The following SI variants were observed in gnomAD, a reference collection of about 807,000 sequenced individuals.
SI encodes sucrase-isomaltase, intestinal.
In SI, 235 loss-of-function variants were observed where a neutral mutation model predicts 253.3. That is an observed-to-expected ratio of 0.93 (90% CI 0.83 to 1.03). SI has a LOEUF of 1.03. Among genes scored for constraint, SI ranks in the 50% least tolerant of loss-of-function variants. SI has a pLI of 0.00. For missense variants in SI, 2,442 were observed against 2,211.1 expected (o/e 1.10, Z -2.09); for synonymous variants, 819 against 712.0 (o/e 1.15, Z -2.39).
At chr3:165,001,029 G>T (rs935187629) in intron 37 of SI, among the ~76,000 whole-genome samples, 9 of 151,096 alleles carry the variant, frequency 6.0e-5, no homozygotes, top group African/African-American at 2.2e-4. Context: ...TGAAATATGT[G>T]AAGAGAATAT....
At chr3:164,983,136 C>T in intron 45 of SI, 85 bp from the exon 46 acceptor site, 1 of 1,326,158 alleles carries the variant, frequency 7.5e-7, no homozygotes, top group East Asian at 2.6e-5. Flanking sequence ...CTTCTCTTTC[C>T]CAGTATAAAA....
At chr3:165,015,286 T>C (rs1002992845) in intron 32 of SI, 53 bp from the exon 33 acceptor site, 4 of 1,212,000 alleles carry the variant, frequency 3.3e-6, no homozygotes, top group Non-Finnish European at 4.9e-6. Flanking sequence ...GCGTAACTAC[T>C]TGGACAGTGA....
rs1718023243 is a variant in SI, at chr3:164,996,608, T to C, written c.4619A>G (p.His1540Arg). 1 of 1,609,886 alleles carries C rather than the reference T, an allele frequency of 6.2e-7. No homozygotes were observed. Among genetic ancestry groups the C allele is most frequent in the African/African-American group, 1.3e-5 (1 of 74,740 alleles). ...ICGFFNNSEY[H>R]LCTRWMQLGA... ...AAGTTGCATCCAGCGGGTACAGAGA[T>C]GATATTCTGAGTTGTTGAAAAAACC... Residue 1540 changes from histidine (H) to arginine (R), a missense_variant, in exon 40 of 48, where the codon CAT (histidine) becomes CGT (arginine). Transcript: ENST00000264382.
chr3:165,029,478 C>T (rs1036849323), intron 25 of SI, among the ~76,000 whole-genome samples: 2 of 149,408 alleles, frequency 1.3e-5, no homozygotes, highest in African/African-American at 2.4e-5. Flanking sequence ...GATACTTGCA[C>T]GTGCATGTTT....
intron 45 of SI, among the ~76,000 whole-genome samples, chr3:164,985,890 GGT>G (rs1243117240): frequency 6.6e-6 from 1 of 152,012 alleles, no homozygotes; most frequent in Non-Finnish European, 1.5e-5. Flanking sequence ...AGCTGTCCCA[GGT>G]GTTTCTGATA....
At position 165,078,495 on chromosome 3, in the gene SI, A is replaced by G. The variant is rs1576932201; in HGVS notation, c.-63T>C. 1 of 152,166 alleles carries G rather than the reference A, an allele frequency of 6.6e-6. No individual in the cohort carries two copies. The highest frequency in any genetic ancestry group is 1.9e-4 in the East Asian group (1 of 5,162). The allele number at this position is 152,166 out of a possible 1,614,324, so 9.4% of individuals were successfully genotyped here. On this transcript the variant is annotated 5_prime_UTR_variant, in exon 1 of 48. Coordinates refer to ENST00000264382, the MANE Select transcript of SI (RefSeq NM_001041.4). ...AGACTTGGATAAGGCTGCCAAAATA[A>G]TGATCAAGGAAAGCTGCTTAGGTAT...
Position 165,039,979 on chromosome 3 carries a change from C to A in SI, c.2160-8G>T, listed in dbSNP as rs766154612. On this transcript the variant is annotated splice_region_variant and splice_polypyrimidine_tract_variant and intron_variant, in intron 18 of 47. Transcript: ENST00000264382. Reference sequence around the variant, plus strand: ...TTCGTATCCTCATAAAACCTAAGAACAATGACAATGTTTAAAGTATAATAA... The same window carrying A: ...TTCGTATCCTCATAAAACCTAAGAAAAATGACAATGTTTAAAGTATAATAA... 6 of 1,598,922 alleles carry A rather than the reference C, an allele frequency of 3.8e-6. No homozygotes were observed. In the African/African-American group the frequency reaches 6.7e-5, roughly 18 times the overall value.
chr3:165,067,305 A>G (rs753926350), intron 6 of SI, 35 bp downstream of exon 6: 53 of 1,416,006 alleles, frequency 3.7e-5, no homozygotes, highest in Admixed American at 3.5e-5. Context: ...ATAATAATAG[A>G]ATAAACTTAT....
intron 34 of SI, among the ~76,000 whole-genome samples, chr3:165,011,756 G>C (rs1041656515): frequency 1.7e-4 from 25 of 147,264 alleles, no homozygotes; most frequent in Non-Finnish European, 3.3e-4. Context: ...ATTCATTATT[G>C]TTATTATTTA....
intron 12 of SI, among the ~76,000 whole-genome samples, chr3:165,055,635 T>C (rs1254012899): frequency 6.6e-6 from 1 of 151,994 alleles, no homozygotes; most frequent in African/African-American, 2.4e-5. Context: ...CTATATAATA[T>C]ATTTTATATC....
chr3:165,047,661 T>A (rs1435748670), intron 15 of SI, among the ~76,000 whole-genome samples: 3 of 152,056 alleles, frequency 2.0e-5, no homozygotes. Context: ...TGGTATCCAC[T>A]CAACATTTGG....
At chr3:165,019,928 T>C (rs1711510446) in intron 27 of SI, among the ~76,000 whole-genome samples, 158 bp from the exon 28 acceptor site, 1 of 151,868 alleles carries the variant, frequency 6.6e-6, no homozygotes, top group Admixed American at 6.6e-5. Context: ...ATGATTAATC[T>C]AATACATGTT....
At position 165,032,757 on chromosome 3, in the gene SI, C is replaced by G. The variant is rs532212950; in HGVS notation, c.2566-65G>C. 2.7e-6 allele frequency: 3 copies of G among 1,116,462 alleles called. No homozygotes were observed. The African/African-American group carries it at 4.7e-5, about 18-fold the overall frequency. The allele number at this position is 1,116,462 out of a possible 1,614,324, so 69.2% of individuals were successfully genotyped here. A position where few individuals can be genotyped will look rare whatever the true frequency, so the allele number is the denominator to read the frequency against. On this transcript the variant is annotated intron_variant, in intron 23 of 47. Transcript: ENST00000264382. ...AGATACAAACCTGAAATAACAATAC[C>G]GATAAGAAATAGCAAAAAAAGGTCA... is the stretch of plus-strand genomic sequence containing the variant.
intron 33 of SI, 144 bp downstream of exon 33, chr3:165,014,979 G>C: frequency 1.6e-6 from 1 of 642,986 alleles, no homozygotes; most frequent in Admixed American, 2.7e-5. Flanking sequence ...TTGAACCAAA[G>C]ACTATACATT....
chr3:165,012,921 T>C, intron 34 of SI, 59 bp downstream of exon 34: 1 of 1,051,102 alleles, frequency 9.5e-7, no homozygotes, highest in South Asian at 1.3e-5. Context: ...TTGATTAAAA[T>C]AATCAAGTCT....
Position 165,041,113 on chromosome 3 carries a change from A to G in SI, c.2005-19T>C, listed in dbSNP as rs755432168. On this transcript the variant is annotated intron_variant, in intron 17 of 47. Transcript: ENST00000264382. ...CCTGATGCTGTGAGATAGAAAGAGAAATTAAAATAAGAAAGCTAAAGTATG... is the reference window on the plus strand; with the variant it reads ...CCTGATGCTGTGAGATAGAAAGAGAGATTAAAATAAGAAAGCTAAAGTATG... 4 of 1,610,462 alleles carry G rather than the reference A, an allele frequency of 2.5e-6. No individual in the cohort carries two copies. Among genetic ancestry groups the G allele is most frequent in the Non-Finnish European group, 3.4e-6 (4 of 1,177,382 alleles).
At chr3:165,026,371 A>G (rs1314534384) in intron 25 of SI, among the ~76,000 whole-genome samples, 2 of 151,406 alleles carry the variant, frequency 1.3e-5, no homozygotes, top group Non-Finnish European at 3.0e-5. Context: ...AGAGTCAGCA[A>G]CACAGTAATA....
At chr3:165,052,193 A>G (rs1713467173) in intron 13 of SI, among the ~76,000 whole-genome samples, 2 of 152,142 alleles carry the variant, frequency 1.3e-5, no homozygotes, top group Admixed American at 1.3e-4. Context: ...GAAAATTATA[A>G]AAGCATTTTA....
chr3:165,039,211 TCA>T, intron 19 of SI, 77 bp from the exon 20 acceptor site: 1 of 1,025,914 alleles, frequency 9.7e-7, no homozygotes, highest in Non-Finnish European at 1.5e-6. Context: ...AGTTGGGTTT[TCA>T]TAGTCAAGGG....
Sources: allele counts gnomAD v4.1 joint callset (sites outside exome capture counted in the v4.1 genomes callset), GRCh38; gene constraint gnomAD v4.1.1; transcripts MANE v1.5; gene names NCBI Gene and HGNC (gene_info 2026-07-23, HGNC 2026-07-21).